IL1RAPL1: variants seen among roughly 807,000 people sequenced by gnomAD.
IL1RAPL1 encodes the protein interleukin-1 receptor accessory protein-like 1.
Under a neutral mutation model 48.4 loss-of-function variants are expected in IL1RAPL1, and 3 were observed. The ratio of observed to expected loss-of-function variants is 0.06; its 90% CI spans 0.03 to 0.16. The LOEUF (loss-of-function observed/expected upper bound fraction) is 0.16, where lower values mean the gene tolerates loss of function less well. IL1RAPL1 is among the 10% of genes least tolerant of loss of function. The pLI is 1.00. For synonymous variants in IL1RAPL1, 185 were observed against 187.7 expected, an observed-to-expected ratio of 0.99 and a Z score of 0.12; for missense variants, 349 against 530.6, an observed-to-expected ratio of 0.66 and a Z score of 3.36.
chrX:28,731,536 C>T (rs1339288624), intron 1 of IL1RAPL1, among the ~76,000 whole-genome samples: 1 of 111,445 alleles, frequency 9.0e-6, no homozygotes, highest in Non-Finnish European at 1.9e-5. Flanking sequence ...GTTAAAAAGC[C>T]GAGATGATGT....
chrX:28,895,796 C>T (rs1423760141), intron 2 of IL1RAPL1, among the ~76,000 whole-genome samples: 1 of 111,299 alleles, frequency 9.0e-6, no homozygotes, highest in African/African-American at 3.3e-5. Context: ...GTGGGAGTTA[C>T]CCAGAGCGTC....
At chrX:29,570,008 A>G (rs772059446) in intron 5 of IL1RAPL1, among the ~76,000 whole-genome samples, 3 of 112,237 alleles carry the variant, frequency 2.7e-5, no homozygotes, top group African/African-American at 9.7e-5. Flanking sequence ...ATATGGAAAT[A>G]CGTGAAGGCA....
intron 2 of IL1RAPL1, among the ~76,000 whole-genome samples, chrX:29,044,286 C>T (rs1350117255): frequency 2.7e-5 from 3 of 109,389 alleles, no homozygotes; most frequent in Admixed American, 9.9e-5. Context: ...CAAAATTAGC[C>T]GAGTATGGTT....
At chrX:28,735,185 A>C (rs759191523) in intron 1 of IL1RAPL1, among the ~76,000 whole-genome samples, 2 of 111,942 alleles carry the variant, frequency 1.8e-5, no homozygotes, top group South Asian at 7.4e-4. Context: ...TAGCCAATAC[A>C]TTTTATATTA....
At chrX:29,530,564 T>C (rs748772324) in intron 5 of IL1RAPL1, among the ~76,000 whole-genome samples, 80 of 111,955 alleles carry the variant, frequency 7.1e-4, no homozygotes, top group African/African-American at 2.0e-3. Flanking sequence ...TTCTGGAGCA[T>C]GCAAATTAAA....
intron 6 of IL1RAPL1, among the ~76,000 whole-genome samples, chrX:29,836,283 C>T (rs890750643): frequency 3.7e-5 from 4 of 107,768 alleles, no homozygotes; most frequent in Admixed American, 2.0e-4. Context: ...CTCCATCTCC[C>T]GGGTTCAAGC....
At chrX:29,453,068 G>A (rs1233108253) in intron 5 of IL1RAPL1, among the ~76,000 whole-genome samples, 1 of 108,236 alleles carries the variant, frequency 9.2e-6, no homozygotes, top group East Asian at 2.9e-4. Flanking sequence ...GGGATTACAG[G>A]CGCCCGCCAC....
chrX:29,136,017 A>G (rs1356848641), intron 2 of IL1RAPL1, among the ~76,000 whole-genome samples: 1 of 111,730 alleles, frequency 9.0e-6, no homozygotes, highest in Non-Finnish European at 1.9e-5. Flanking sequence ...CATTACAGGC[A>G]TGAGCCACTG....
chrX:29,133,169 A>G (rs1031405499), intron 2 of IL1RAPL1, among the ~76,000 whole-genome samples: 4 of 111,898 alleles, frequency 3.6e-5, no homozygotes, highest in African/African-American at 1.3e-4. Context: ...CTCTAGGAGT[A>G]TCTATCTACC....
Position 29,060,590 on chromosome X carries a change from A to G in IL1RAPL1, c.83-222348A>G, listed in dbSNP as rs527995139. 5.4e-5 allele frequency among the ~76,000 whole-genome samples: 6 copies of G among 111,716 alleles called. No individual in the cohort carries two copies. In the South Asian group the frequency reaches 2.2e-3, roughly 42 times the overall value. ...ACCTAACTAGAACATCAGATAATAC[A>G]TGACAATTAGAATTATTCTAGCGAG... On this transcript the variant is annotated intron_variant, in intron 2 of 10. Coordinates refer to ENST00000378993, the MANE Select transcript of IL1RAPL1 (RefSeq NM_014271.4).
chrX:28,751,633 A>G (rs781308960), intron 1 of IL1RAPL1, among the ~76,000 whole-genome samples: 1 of 112,381 alleles, frequency 8.9e-6, no homozygotes, highest in South Asian at 3.6e-4. Context: ...CAATGTTGCT[A>G]CAGCAGTAGA....
chrX:29,068,458 C>T (rs974379462), intron 2 of IL1RAPL1, among the ~76,000 whole-genome samples: 3 of 111,972 alleles, frequency 2.7e-5, no homozygotes, highest in African/African-American at 9.7e-5. Flanking sequence ...ACCTACAAGG[C>T]GTTGCAGAAA....
intron 5 of IL1RAPL1, among the ~76,000 whole-genome samples, chrX:29,506,459 C>CCTCCTCCTCCTCCTCCTT (rs1396441325): frequency 9.3e-6 from 1 of 108,071 alleles, no homozygotes; most frequent in African/African-American, 3.4e-5. Flanking sequence ...TCCTCCTCCT[C>CCTCCTCCTCCTCCTCCTT]CTCCTCCTTC....
intron 1 of IL1RAPL1, among the ~76,000 whole-genome samples, chrX:28,723,690 T>G (rs1264939496): frequency 1.8e-5 from 2 of 111,837 alleles, no homozygotes; most frequent in African/African-American, 6.5e-5. Context: ...GATATTAGGG[T>G]GTCAATTTTA....
intron 2 of IL1RAPL1, among the ~76,000 whole-genome samples, chrX:29,244,498 A>T (rs979333734): frequency 8.9e-6 from 1 of 112,434 alleles, no homozygotes; most frequent in Non-Finnish European, 1.9e-5. Context: ...TGATTTAAAA[A>T]TTTTATGTTA....
intron 3 of IL1RAPL1, among the ~76,000 whole-genome samples, chrX:29,337,058 C>A (rs1191865301): frequency 9.0e-6 from 1 of 110,565 alleles, no homozygotes; most frequent in Non-Finnish European, 1.9e-5. Flanking sequence ...CCAGTCTCCT[C>A]CAAGTCAAAG....
chrX:28,824,736 G>A (rs1304858633), intron 2 of IL1RAPL1, among the ~76,000 whole-genome samples: 1 of 111,488 alleles, frequency 9.0e-6, no homozygotes, highest in African/African-American at 3.3e-5. Context: ...GATATGTGTT[G>A]AAGAATTCAC....
At chrX:28,982,060 G>C (rs868436620) in intron 2 of IL1RAPL1, among the ~76,000 whole-genome samples, 20 of 111,857 alleles carry the variant, frequency 1.8e-4, no homozygotes, top group African/African-American at 5.2e-4. Context: ...CCTCCAATTT[G>C]AGGGTACTTT....
intron 2 of IL1RAPL1, among the ~76,000 whole-genome samples, chrX:29,162,418 G>T (rs1209472892): frequency 1.8e-5 from 2 of 110,615 alleles, no homozygotes; most frequent in Non-Finnish European, 3.8e-5. Flanking sequence ...TTCTGCAGAA[G>T]ACCATAAATA....
Sources: gnomAD v4.1 joint callset for allele counts (sites outside exome capture counted in the v4.1 genomes callset) on GRCh38, gnomAD v4.1.1 for gene constraint, MANE v1.5 for transcripts, NCBI Gene and HGNC (gene_info 2026-07-23, HGNC 2026-07-21) for gene names.